Variants in FTCDNL1 observed in about 807,000 individuals in gnomAD.
FTCDNL1 encodes formiminotransferase N-terminal subdomain-containing protein.
FTCDNL1 carries 11 observed loss-of-function variants against 5.9 expected under a neutral mutation model. That is an observed-to-expected ratio of 1.87 (90% confidence interval 1.18 to 3.10). The LOEUF is 3.10. Among genes scored for constraint, FTCDNL1 ranks in the 30% most tolerant of loss-of-function variants. The pLI is 0.00. For synonymous variants in FTCDNL1, 58 were observed against 24.8 expected (o/e 2.34, Z -3.99); for missense variants, 115 against 65.5 (o/e 1.76, Z -2.61).
chr2:199,671,110 C>T, the FTCDNL1 span, among the ~76,000 whole-genome samples: 2 of 151,304 alleles, frequency 1.3e-5, no homozygotes, highest in Non-Finnish European at 2.9e-5. Flanking sequence ...GCTTGGCTTG[C>T]CCGGGAAGTG....
At chr2:199,671,441 C>A in the FTCDNL1 span, among the ~76,000 whole-genome samples, 1 of 151,682 alleles carries the variant, frequency 6.6e-6, no homozygotes, top group Non-Finnish European at 1.5e-5. Context: ...TAGGCAAGAG[C>A]CCTAATTACA....
chr2:199,666,366 G>A, the FTCDNL1 span, among the ~76,000 whole-genome samples: 2 of 152,260 alleles, frequency 1.3e-5, no homozygotes, highest in East Asian at 3.9e-4. Context: ...CAGATTTGCT[G>A]AATTCTAGAC....
chr2:199,817,424 C>T (rs1193043401), intron 4 of FTCDNL1, among the ~76,000 whole-genome samples: 1 of 152,128 alleles, frequency 6.6e-6, no homozygotes, highest in African/African-American at 2.4e-5. Context: ...AATGTTTTAA[C>T]GTGGGATTTG....
At position 199,809,477 on chromosome 2, in the gene FTCDNL1, T is replaced by G. The variant is rs1414053387; in HGVS notation, c.*3228A>C. ...CACAGTCTTTCTTGCTAAACTCAAT[T>G]TGTGGAAAAATTCATTTCTCTGTGC... On this transcript the variant is annotated 3_prime_UTR_variant, in exon 5 of 5. Coordinates refer to ENST00000420128, the MANE Select transcript of FTCDNL1 (RefSeq NM_001363886.2). 6.6e-6 allele frequency among the ~76,000 whole-genome samples: 1 copy of G among 152,158 alleles called. No homozygotes were observed. The highest frequency in any genetic ancestry group is 2.4e-5 in the African/African-American group (1 of 41,436).
At chr2:199,806,268 AC>A (rs905521034), downstream of FTCDNL1, among the ~76,000 whole-genome samples, 2 of 151,938 alleles carry the variant, frequency 1.3e-5, no homozygotes, top group African/African-American at 4.8e-5. Context: ...AGCTTTCCTA[AC>A]CCCCCAAGCA....
At chr2:199,731,655 G>A in the FTCDNL1 span, among the ~76,000 whole-genome samples, 22 of 152,260 alleles carry the variant, frequency 1.4e-4, no homozygotes, top group Admixed American at 4.6e-4. Context: ...TTGGGAGGCC[G>A]AGGCGGGCGG....
At chr2:199,824,508 G>T (rs1559224395) in intron 3 of FTCDNL1, among the ~76,000 whole-genome samples, 1 of 152,084 alleles carries the variant, frequency 6.6e-6, no homozygotes, top group Non-Finnish European at 1.5e-5. Context: ...TCACAACTTG[G>T]CCAGCTGGCA....
chr2:199,730,862 T>C, the FTCDNL1 span, among the ~76,000 whole-genome samples: 1 of 152,240 alleles, frequency 6.6e-6, no homozygotes, highest in African/African-American at 2.4e-5. Flanking sequence ...CAAAGGATTA[T>C]AAATCATTCT....
the FTCDNL1 span, among the ~76,000 whole-genome samples, chr2:199,731,812 C>T: frequency 3.3e-5 from 5 of 150,856 alleles, no homozygotes; most frequent in Non-Finnish European, 7.4e-5. Flanking sequence ...GGCGAGAACC[C>T]GGGAGGCGGA....
intron 3 of FTCDNL1, among the ~76,000 whole-genome samples, chr2:199,844,029 C>A (rs1235467365): frequency 6.6e-6 from 1 of 152,024 alleles, no homozygotes; most frequent in African/African-American, 2.4e-5. Context: ...TACCCCTGCT[C>A]AAGAAAATAG....
the FTCDNL1 span, among the ~76,000 whole-genome samples, chr2:199,734,629 T>C: frequency 1.3e-5 from 2 of 152,184 alleles, no homozygotes; most frequent in African/African-American, 4.8e-5. Flanking sequence ...CAAATTTAAA[T>C]GACACATGAT....
At chr2:199,692,169 A>G in the FTCDNL1 span, among the ~76,000 whole-genome samples, 1 of 152,168 alleles carries the variant, frequency 6.6e-6, no homozygotes, top group Non-Finnish European at 1.5e-5. Flanking sequence ...TAAGGCCTCA[A>G]TGATATTCTA....
chr2:199,727,621 C>T, the FTCDNL1 span, among the ~76,000 whole-genome samples: 15 of 152,176 alleles, frequency 9.9e-5, no homozygotes, highest in African/African-American at 3.4e-4. Flanking sequence ...AGTGAGAGAA[C>T]CTGGATACCT....
the FTCDNL1 span, among the ~76,000 whole-genome samples, chr2:199,708,346 T>C: frequency 6.6e-6 from 1 of 152,142 alleles, no homozygotes; most frequent in South Asian, 2.1e-4. Context: ...TGTTCATGTC[T>C]GCTAATATCA....
intron 2 of FTCDNL1, among the ~76,000 whole-genome samples, 180 bp from the exon 3 acceptor site, chr2:199,846,350 T>C (rs1207083322): frequency 6.6e-6 from 1 of 152,214 alleles, no homozygotes; most frequent in Non-Finnish European, 1.5e-5. Context: ...TCTTACAGCA[T>C]CTTATTGTAT....
the FTCDNL1 span, among the ~76,000 whole-genome samples, chr2:199,744,752 G>A: frequency 3.9e-5 from 6 of 152,200 alleles, no homozygotes; most frequent in East Asian, 7.7e-4. Context: ...TTTTCCTTAC[G>A]TCGGAGTTTA....
rs962347753 is a variant in FTCDNL1 at position 199,845,979 on chromosome 2, T to C, written c.211+96A>G. On this transcript the variant is annotated intron_variant, in intron 3 of 4. Coordinates refer to ENST00000420128, the MANE Select transcript of FTCDNL1 (RefSeq NM_001363886.2). ...ACTCTTTACTTAATAGAGGGGAGTA[T>C]TCATATTTACAGAGGAAATCAATGA... 11 of 557,484 alleles carry C rather than the reference T, an allele frequency of 2.0e-5. No homozygotes were observed. The South Asian group carries it at 2.4e-4, about 12-fold the overall frequency. 34.5% of individuals were successfully genotyped at this position (557,484 alleles called of 1,614,324 possible). A position where few individuals can be genotyped will look rare whatever the true frequency, so the allele number is the denominator to read the frequency against.
intron 3 of FTCDNL1, among the ~76,000 whole-genome samples, chr2:199,793,838 T>G (rs1417575185): frequency 2.0e-5 from 3 of 152,232 alleles, no homozygotes; most frequent in Non-Finnish European, 4.4e-5. Flanking sequence ...TTTAGTTTCT[T>G]TCCAGAGCTA....
the FTCDNL1 span, among the ~76,000 whole-genome samples, chr2:199,713,168 A>T: frequency 6.6e-6 from 1 of 152,056 alleles, no homozygotes; most frequent in Non-Finnish European, 1.5e-5. Context: ...ATTTGTCATG[A>T]GTGCTATTCT....
Sources: allele counts gnomAD v4.1 joint callset (sites outside exome capture counted in the v4.1 genomes callset), GRCh38; gene constraint gnomAD v4.1.1; transcripts MANE v1.5; gene names NCBI Gene and HGNC (gene_info 2026-07-23, HGNC 2026-07-21).